ERCC5: variants seen among roughly 807,000 people sequenced by gnomAD.
ERCC5 encodes DNA excision repair protein ERCC-5.
In ERCC5, 68 loss-of-function variants were observed where a neutral mutation model predicts 105.6. The observed-to-expected ratio is 0.64, with a 90% CI of 0.53 to 0.79. ERCC5 has a LOEUF of 0.79. Ranked by LOEUF, ERCC5 falls within the 30% of genes least tolerant of loss-of-function variation. The probability of loss-of-function intolerance (pLI) is 0.00; values close to 1 mark genes in which losing one functional copy is unlikely to be tolerated. For missense variants in ERCC5, 1,373 were observed against 1,426.7 expected (o/e 0.96, Z 0.61); for synonymous variants, 546 against 526.2 (o/e 1.04, Z -0.51).
In ERCC5 at chr13:102,846,299, G is replaced by T; in HGVS notation, c.33G>T (p.Glu11Asp). ...TCCAGGGGCTCTGGAAGCTGCTGGA[G>T]TGCTCCGGGCGGCAGGTCAGCCCCG... MGVQGLWKLL[E>D]CSGRQVSPEA... Residue 11 changes from glutamate to aspartate, a missense_variant, in exon 1 of 15, where the codon GAG (glutamate) becomes GAT (aspartate). By Grantham distance (45) the Glu-to-Asp change is conservative (BLOSUM62 2). Around this residue, in one of 3 missense-constraint regions of ERCC5, gnomAD observed 1,004 missense variants for 1,059.7 expected, o/e 0.95. Coordinates refer to ENST00000652225, the MANE Select transcript of ERCC5 (RefSeq NM_000123.4). The T allele has an allele frequency of 1.2e-6, 2 of 1,614,076 alleles. No homozygotes were observed. The highest frequency in any genetic ancestry group is 1.7e-6 in the Non-Finnish European group (2 of 1,180,000).
intron 8 of ERCC5, among the ~76,000 whole-genome samples, chr13:102,864,532 A>G (rs1200543887): frequency 6.6e-6 from 1 of 152,226 alleles, no homozygotes; most frequent in African/African-American, 2.4e-5. Flanking sequence ...TACTCAAATT[A>G]TCACAGCTTT....
intron 1 of ERCC5, among the ~76,000 whole-genome samples, 157 bp from the exon 2 acceptor site, chr13:102,851,961 T>G (rs1368813929): frequency 6.6e-6 from 1 of 152,220 alleles, no homozygotes; most frequent in Non-Finnish European, 1.5e-5. Flanking sequence ...TAACTGACTT[T>G]AGGTAGATCC....
chr13:102,874,557 T>C (rs1308871246), intron 14 of ERCC5, among the ~76,000 whole-genome samples: 2 of 152,238 alleles, frequency 1.3e-5, no homozygotes, highest in Non-Finnish European at 2.9e-5. Flanking sequence ...AGTCTCACTC[T>C]GTCTCCCAGG....
At chr13:102,873,970 A>G (rs994907087) in intron 14 of ERCC5, among the ~76,000 whole-genome samples, 32 of 152,220 alleles carry the variant, frequency 2.1e-4, no homozygotes, top group Non-Finnish European at 4.4e-4. Flanking sequence ...GTGATAATAT[A>G]TTTAAATTAA....
At chr13:102,855,779 C>A (rs1173975260) in intron 4 of ERCC5, among the ~76,000 whole-genome samples, 1 of 152,164 alleles carries the variant, frequency 6.6e-6, no homozygotes, top group Non-Finnish European at 1.5e-5. Context: ...TGCAGGAGAT[C>A]CTGGAAAGCT....
Position 102,865,704 on chromosome 13 carries a change from G to A in ERCC5, c.1992G>A (p.Glu664=), listed in dbSNP as rs768734559. ...FIEVQSVISD[E]ELQAEFPETS... is the part of the protein sequence containing the mutation. Reference sequence around the variant, plus strand: ...AAGTGCAAAGTGTGATTAGTGATGAGGAACTTCAAGCAGAATTCCCTGAAA... The same window carrying A: ...AAGTGCAAAGTGTGATTAGTGATGAAGAACTTCAAGCAGAATTCCCTGAAA... The change falls in exon 9 of 15, where the codon GAG becomes GAA. Residue 664 remains glutamate (E), a synonymous_variant. Coordinates refer to ENST00000652225, the MANE Select transcript of ERCC5 (RefSeq NM_000123.4). This position sits in a 1 kb window ranked among gnomAD's most constrained non-coding sequence, Gnocchi z 4.0. 25 of 1,613,814 alleles carry A rather than the reference G, an allele frequency of 1.5e-5. No homozygotes were observed. In the South Asian group the frequency reaches 2.6e-4, roughly 17 times the overall value.
intron 1 of ERCC5, 52 bp from the exon 2 acceptor site, chr13:102,852,066 G>C (rs1882224683): frequency 3.1e-6 from 5 of 1,594,232 alleles, no homozygotes; most frequent in Non-Finnish European, 4.3e-6. Context: ...AATTGAAGTT[G>C]TGAGGATGAA....
intron 4 of ERCC5, among the ~76,000 whole-genome samples, chr13:102,855,078 AGG>A (rs1882361559): frequency 2.6e-5 from 4 of 152,014 alleles, no homozygotes; most frequent in Non-Finnish European, 5.9e-5. Context: ...TTTTTTCTCC[AGG>A]TTACATTATT....
chr13:102,848,987 T>A (rs767983660), intron 1 of ERCC5: 1 of 366,220 alleles, frequency 2.7e-6, no homozygotes, highest in Non-Finnish European at 5.4e-6. Context: ...CATATCCTAT[T>A]CTAATGGATA....
Position 102,875,786 on chromosome 13 carries a change from T to C in ERCC5, c.3444T>C (p.Ser1148=), listed in dbSNP as rs1380551249. 1.2e-6 allele frequency: 2 copies of C among 1,614,058 alleles called. No individual in the cohort carries two copies. The highest frequency in any genetic ancestry group is 3.3e-5 in the Admixed American group (2 of 60,026). Residue 1148 remains serine (S), a synonymous_variant, in exon 15 of 15, where the codon TCT becomes TCC. Transcript: ENST00000652225. ...ATGGAGGTGCGACCACCAGCAGCTC[T>C]AGTGATAGTGATGACGATGGAGGGA... ...VKNGGATTSS[S]SDSDDDGGKE...
intron 8 of ERCC5, 61 bp downstream of exon 8, chr13:102,863,164 A>G (rs1317978440): frequency 1.3e-6 from 2 of 1,571,828 alleles, no homozygotes; most frequent in East Asian, 2.3e-5. Context: ...GTAGGAATTC[A>G]GAGATCGGTT....
chr13:102,875,702 A>G lies in ERCC5; in HGVS notation c.3360A>G (p.Lys1120=), dbSNP rs1164861459. The G allele has an allele frequency of 6.2e-7, 1 of 1,614,244 alleles. No homozygotes were observed. Among genetic ancestry groups the G allele is most frequent in the South Asian group, 1.1e-5 (1 of 91,088 alleles). The change falls in exon 15 of 15, where the codon AAA becomes AAG. Residue 1120 remains lysine, a synonymous_variant. Transcript: ENST00000652225. ...ATGTACAAAGGAGAACAGCTGCGAA[A>G]GAGCCAAAAACCAGTGCTTCAGATT... The part of the protein sequence containing the change: ...LMNVQRRTAA[K]EPKTSASDSQ...
In ERCC5 at chr13:102,868,263, G is replaced by A. The variant is rs1882916451; in HGVS notation, c.2678+6G>A. 3 of 1,614,070 alleles carry A rather than the reference G, an allele frequency of 1.9e-6. No individual in the cohort carries two copies. Among genetic ancestry groups the A allele is most frequent in the African/African-American group, 1.3e-5 (1 of 75,024 alleles). ...GAACCTCTCCTAAAATTCTCGTAAG[G>A]TCTTTTATTTCTTTAATTTGGATAA... On this transcript the variant is annotated splice_donor_region_variant and intron_variant, in intron 12 of 14. Coordinates refer to ENST00000652225, the MANE Select transcript of ERCC5 (RefSeq NM_000123.4).
intron 6 of ERCC5, 26 bp from the exon 7 acceptor site, chr13:102,861,481 A>C (rs1566467958): frequency 1.2e-6 from 2 of 1,611,986 alleles, no homozygotes; most frequent in East Asian, 4.5e-5. Flanking sequence ...TAAAACAGTA[A>C]TTTTGTTTGT....
At chr13:102,846,392 AT>A (rs1468000502) in intron 1 of ERCC5, 38 bp downstream of exon 1, 1 of 1,572,636 alleles carries the variant, frequency 6.4e-7, no homozygotes, top group South Asian at 1.1e-5. Context: ...GGGTGCAGGG[AT>A]TCGGGGCTGG....
chr13:102,852,091 A>C (rs1296660103), intron 1 of ERCC5, 27 bp from the exon 2 acceptor site: 33 of 1,613,270 alleles, frequency 2.0e-5, no homozygotes, highest in Non-Finnish European at 2.7e-5. Context: ...AAAATCCCGG[A>C]GTTTTTTCCA....
chr13:102,849,208 G>A (rs753032221), intron 1 of ERCC5: 4 of 518,746 alleles, frequency 7.7e-6, no homozygotes, highest in Non-Finnish European at 1.5e-5. Flanking sequence ...TCTTTTATCC[G>A]ATCTCTTCTC....
rs371529460 is a variant in ERCC5 at position 102,866,632 on chromosome 13, G to A, written c.2320G>A (p.Glu774Lys). The A allele has an allele frequency of 4.3e-6, 7 of 1,612,892 alleles. No homozygotes were observed. In the East Asian group the frequency reaches 6.7e-5, roughly 15 times the overall value. ...VTGQMFLESQ[E>K]LLRLFGIPYI... is the part of the protein sequence containing the mutation. ...TCACTGTGTACCCCTCACTCTGCAG[G>A]AACTCCTGCGCCTGTTCGGCATTCC... is the stretch of plus-strand genomic sequence containing the variant. The change falls in exon 11 of 15, where the codon GAA becomes AAA. Residue 774 changes from glutamate to lysine, a missense_variant and splice_region_variant. Glu to Lys is a moderately conservative substitution (Grantham distance 56). This residue lies in a region of ERCC5 where 1,004 missense variants were observed against 1,059.7 expected (regional missense o/e 0.95). Coordinates refer to ENST00000652225, the MANE Select transcript of ERCC5 (RefSeq NM_000123.4).
chr13:102,859,562 T>G (rs988085468), intron 6 of ERCC5, among the ~76,000 whole-genome samples: 26 of 152,360 alleles, frequency 1.7e-4, no homozygotes, highest in Non-Finnish European at 3.4e-4. Flanking sequence ...AGTAGAATTT[T>G]GGTTGTGTAA....
Sources: gnomAD v4.1 joint callset for allele counts (sites outside exome capture counted in the v4.1 genomes callset) on GRCh38, gnomAD v4.1.1 for gene constraint, gnomAD v4.1.1 regional missense constraint, Gnocchi (gnomAD v3.1) non-coding constraint, MANE v1.5 for transcripts, NCBI Gene and HGNC (gene_info 2026-07-23, HGNC 2026-07-21) for gene names.